Variants in PCDH7 observed in about 807,000 individuals in gnomAD.
PCDH7 encodes protocadherin-7.
In PCDH7, 17 loss-of-function variants were observed where a neutral mutation model predicts 58.9. The observed-to-expected ratio is 0.29, with a 90% confidence interval of 0.20 to 0.43. The LOEUF (loss-of-function observed/expected upper bound fraction) is 0.43. PCDH7 is among the 20% of genes least tolerant of loss of function. The probability of loss-of-function intolerance (pLI) is 1.00; values close to 1 mark genes in which losing one functional copy is unlikely to be tolerated. For missense variants in PCDH7, 1,274 were observed against 1,441.0 expected, an observed-to-expected ratio of 0.88 and a Z score of 1.88; for synonymous variants, 664 against 616.4, an observed-to-expected ratio of 1.08 and a Z score of -1.14.
chr4:31,095,933 T>C (rs1713914468), intron 3 of PCDH7, among the ~76,000 whole-genome samples: 1 of 152,244 alleles, frequency 6.6e-6, no homozygotes, highest in Admixed American at 6.5e-5. Context: ...TTATAAATTG[T>C]TACCTATGTA....
At chr4:31,072,523 A>G (rs1024815124) in intron 3 of PCDH7, among the ~76,000 whole-genome samples, 1 of 152,130 alleles carries the variant, frequency 6.6e-6, no homozygotes, top group Non-Finnish European at 1.5e-5. Flanking sequence ...CTAGGTGCCA[A>G]TAAAAGCTTC....
At chr4:30,918,351 G>A (rs939358943) in intron 1 of PCDH7, among the ~76,000 whole-genome samples, 3 of 151,910 alleles carry the variant, frequency 2.0e-5, no homozygotes, top group African/African-American at 4.8e-5. Flanking sequence ...GGTGGGTGAG[G>A]GTTGGGAGAA....
At chr4:30,834,346 C>T (rs887235515) in intron 1 of PCDH7, among the ~76,000 whole-genome samples, 47 of 152,130 alleles carry the variant, frequency 3.1e-4, no homozygotes, top group African/African-American at 9.7e-5. Flanking sequence ...ATTGCTCCTG[C>T]TCATCACGAT....
intron 1 of PCDH7, among the ~76,000 whole-genome samples, chr4:30,841,020 C>T (rs747821868): frequency 6.6e-6 from 1 of 151,908 alleles, no homozygotes; most frequent in Non-Finnish European, 1.5e-5. Flanking sequence ...CTAAAAAATA[C>T]ACTTAAAACG....
chr4:31,025,099 G>A (rs796850233), intron 3 of PCDH7, among the ~76,000 whole-genome samples: 40 of 152,250 alleles, frequency 2.6e-4, no homozygotes, highest in African/African-American at 8.9e-4. Flanking sequence ...TGGAGAAATC[G>A]TGATCCTGTT....
At chr4:30,820,820 G>A (rs924812182) in intron 1 of PCDH7, among the ~76,000 whole-genome samples, 1 of 152,006 alleles carries the variant, frequency 6.6e-6, no homozygotes, top group Non-Finnish European at 1.5e-5. Flanking sequence ...CTTTATTAGC[G>A]ATGACACATG....
intron 2 of PCDH7, among the ~76,000 whole-genome samples, chr4:30,940,826 A>G (rs1246661747): frequency 6.6e-6 from 1 of 151,968 alleles, no homozygotes; most frequent in East Asian, 1.9e-4. Context: ...AAGTGTGAAA[A>G]CATGTGCACA....
chr4:30,914,254 A>C (rs1742128312), intron 1 of PCDH7, among the ~76,000 whole-genome samples: 1 of 152,228 alleles, frequency 6.6e-6, no homozygotes, highest in East Asian at 1.9e-4. Flanking sequence ...TAGAGGGAGA[A>C]TGATGGTACG....
intron 1 of PCDH7, among the ~76,000 whole-genome samples, chr4:30,780,791 G>A (rs1443124690): frequency 3.9e-5 from 6 of 152,118 alleles, no homozygotes; most frequent in East Asian, 1.9e-4. Context: ...TAGTATACTC[G>A]ATTCTATTTT....
intron 1 of PCDH7, among the ~76,000 whole-genome samples, chr4:30,781,710 AT>A (rs1328425129): frequency 6.6e-6 from 1 of 151,106 alleles, no homozygotes; most frequent in African/African-American, 2.4e-5. Flanking sequence ...CTAATTTTGT[AT>A]TTTCAGTAGA....
chr4:31,042,219 G>A (rs1431626073), intron 3 of PCDH7, among the ~76,000 whole-genome samples: 2 of 152,092 alleles, frequency 1.3e-5, no homozygotes, highest in African/African-American at 4.8e-5. Flanking sequence ...TCTCATCCCT[G>A]TTTTCTAGAT....
intron 3 of PCDH7, among the ~76,000 whole-genome samples, chr4:30,981,004 A>T (rs1486536920): frequency 2.0e-5 from 3 of 152,090 alleles, no homozygotes; most frequent in African/African-American, 7.2e-5. Context: ...CACCACGCTC[A>T]GCTAATTTTT....
chr4:30,935,903 T>C (rs1364390496), intron 2 of PCDH7, among the ~76,000 whole-genome samples: 3 of 152,012 alleles, frequency 2.0e-5, no homozygotes, highest in African/African-American at 7.2e-5. Context: ...CCAATTGCAA[T>C]ACAATTGGAG....
chr4:31,144,081 CT>C (rs1361610550), downstream of PCDH7: 1 of 152,154 alleles, frequency 6.6e-6, no homozygotes, highest in African/African-American at 2.4e-5. Context: ...GCTTGCTGCT[CT>C]TTTTATCCAC....
chr4:30,781,698 G>T lies in PCDH7; in HGVS notation c.70+57102G>T, dbSNP rs139305806. Among the ~76,000 whole-genome samples, 698 of 151,928 alleles carry T rather than the reference G, an allele frequency of 4.6e-3. 5 individuals are homozygous for T. The highest frequency in any genetic ancestry group is 0.016 in the African/African-American group (660 of 41,460). ...TTTACAGGCATGCGCCACCATGCCC[G>T]GCTAATTTTGTATTTTCAGTAGAAA... On this transcript the variant is annotated intron_variant, in intron 1 of 3. Transcript: ENST00000509759.
intron 3 of PCDH7, among the ~76,000 whole-genome samples, chr4:30,984,831 G>A (rs1451234165): frequency 1.3e-5 from 2 of 152,136 alleles, no homozygotes; most frequent in Non-Finnish European, 2.9e-5. Context: ...GCCAGCAACA[G>A]ATGAGCATAA....
At chr4:30,925,547 C>T (rs1012909724) in intron 2 of PCDH7, among the ~76,000 whole-genome samples, 2 of 152,174 alleles carry the variant, frequency 1.3e-5, no homozygotes, top group African/African-American at 4.8e-5. Flanking sequence ...CAGAAAGAGA[C>T]TAACATGACT....
intron 1 of PCDH7, among the ~76,000 whole-genome samples, chr4:30,822,898 A>C (rs1728554763): frequency 6.6e-6 from 1 of 152,140 alleles, no homozygotes; most frequent in Non-Finnish European, 1.5e-5. Context: ...GATCCTTCTC[A>C]TGCATTTTCC....
intron 1 of PCDH7, among the ~76,000 whole-genome samples, chr4:30,761,928 G>A (rs146652197): frequency 2.4e-4 from 36 of 152,308 alleles, no homozygotes; most frequent in Admixed American, 7.2e-4. Context: ...TGACCTCAGA[G>A]CATACCTGCC....
Sources: allele counts gnomAD v4.1 joint callset (sites outside exome capture counted in the v4.1 genomes callset), GRCh38; gene constraint gnomAD v4.1.1; transcripts MANE v1.5; gene names NCBI Gene and HGNC (gene_info 2026-07-23, HGNC 2026-07-21).